Variants in DTNB observed in about 807,000 individuals in gnomAD.
DTNB encodes the protein dystrobrevin beta, also known as DTN-B.
In DTNB, 63 loss-of-function variants were observed where a neutral mutation model predicts 90.7. That is an observed-to-expected ratio of 0.69 (90% CI 0.57 to 0.86). The LOEUF is 0.86. Ranked by LOEUF, DTNB falls within the 40% of genes least tolerant of loss-of-function variation. DTNB has a pLI of 0.00. For synonymous variants in DTNB, 277 were observed against 286.7 expected (o/e 0.97, Z 0.34); for missense variants, 744 against 807.1 (o/e 0.92, Z 0.95).
chr2:25,525,932 C>A (rs1391619130), intron 9 of DTNB, among the ~76,000 whole-genome samples: 1 of 151,978 alleles, frequency 6.6e-6, no homozygotes, highest in Non-Finnish European at 1.5e-5. Context: ...CAAATTCCCA[C>A]CCAATCCCCA....
At chr2:25,392,412 AAATGAATG>A (rs570696124) in intron 16 of DTNB, among the ~76,000 whole-genome samples, 4 of 152,198 alleles carry the variant, frequency 2.6e-5, no homozygotes, top group African/African-American at 7.2e-5. Flanking sequence ...TCCATCTCAA[AAATGAATG>A]AATGAATGAA....
chr2:25,547,303 G>A (rs1285593377), intron 8 of DTNB, among the ~76,000 whole-genome samples: 1 of 144,246 alleles, frequency 6.9e-6, no homozygotes, highest in Non-Finnish European at 1.5e-5. Context: ...TAAGAGTCAT[G>A]CACCTGTATT....
intron 8 of DTNB, among the ~76,000 whole-genome samples, chr2:25,542,109 GTTGGGTTTT>G (rs938396292): frequency 2.0e-5 from 3 of 152,024 alleles, no homozygotes; most frequent in African/African-American, 7.2e-5. Context: ...GTCAATAGAT[GTTGGGTTTT>G]TTGGTTTTTG....
chr2:25,384,988 C>T (rs1401189035), intron 18 of DTNB, among the ~76,000 whole-genome samples: 1 of 151,930 alleles, frequency 6.6e-6, no homozygotes, highest in African/African-American at 2.4e-5. Flanking sequence ...AAGCGATTCT[C>T]CTGCCTCAGC....
intron 6 of DTNB, among the ~76,000 whole-genome samples, chr2:25,591,564 A>G (rs941471848): frequency 1.3e-5 from 2 of 152,208 alleles, no homozygotes; most frequent in African/African-American, 4.8e-5. Context: ...TATTTTAAAC[A>G]ACTTTTAAGC....
At chr2:25,381,978 C>T (rs1356901313) in intron 19 of DTNB, among the ~76,000 whole-genome samples, 1 of 152,238 alleles carries the variant, frequency 6.6e-6, no homozygotes, top group African/African-American at 2.4e-5. Flanking sequence ...ACCTGTATCT[C>T]CCACTTGGCT....
intron 17 of DTNB, 96 bp downstream of exon 17, chr2:25,388,106 G>T: frequency 6.6e-7 from 1 of 1,509,426 alleles, no homozygotes; most frequent in Non-Finnish European, 8.8e-7. Flanking sequence ...TCCAAGCAAA[G>T]AGCACAAAAC....
intron 9 of DTNB, among the ~76,000 whole-genome samples, chr2:25,501,961 G>A (rs772091205): frequency 3.3e-5 from 5 of 152,134 alleles, no homozygotes; most frequent in African/African-American, 4.8e-5. Context: ...CAAAGTAGGA[G>A]GATCACTTGA....
At chr2:25,664,209 G>A (rs2083868217) in intron 1 of DTNB, among the ~76,000 whole-genome samples, 1 of 152,024 alleles carries the variant, frequency 6.6e-6, no homozygotes, top group African/African-American at 2.4e-5. Flanking sequence ...GATCACCATT[G>A]TTTTTATATT....
intron 9 of DTNB, among the ~76,000 whole-genome samples, chr2:25,520,103 G>C (rs2075873665): frequency 6.6e-6 from 1 of 152,192 alleles, no homozygotes; most frequent in South Asian, 2.1e-4. Context: ...AAAGTTGTAG[G>C]CTAGGGGCAG....
At chr2:25,446,762 T>G (rs2150090967) in intron 12 of DTNB, among the ~76,000 whole-genome samples, 1 of 152,330 alleles carries the variant, frequency 6.6e-6, no homozygotes, top group South Asian at 2.1e-4. Flanking sequence ...TGCGATATAT[T>G]CATCTGAGAA....
intron 9 of DTNB, among the ~76,000 whole-genome samples, chr2:25,508,520 A>C (rs2384237): frequency 0.26 from 34,749 of 132,444 alleles, 5,466 homozygotes; most frequent in East Asian, 0.5. Context: ...TTTTTTTGAG[A>C]TGGAGTTTCG....
chr2:25,621,686 A>C (rs993138890), intron 4 of DTNB, among the ~76,000 whole-genome samples: 8 of 140,896 alleles, frequency 5.7e-5, no homozygotes, highest in Admixed American at 3.8e-4. Flanking sequence ...TGAACTCCCG[A>C]CCTCAGGTGA....
At chr2:25,531,116 T>C (rs571205089) in intron 9 of DTNB, among the ~76,000 whole-genome samples, 2 of 152,314 alleles carry the variant, frequency 1.3e-5, no homozygotes, top group East Asian at 3.9e-4. Flanking sequence ...TTAATTTAAG[T>C]CCCTATGGGC....
intron 16 of DTNB, among the ~76,000 whole-genome samples, chr2:25,403,168 C>T (rs569851331): frequency 1.0e-3 from 152 of 152,202 alleles, no homozygotes; most frequent in African/African-American, 3.4e-3. Context: ...CAGGCTGGAG[C>T]GCAGTGGCGC....
chr2:25,534,112 G>A (rs1190440683), intron 8 of DTNB, among the ~76,000 whole-genome samples: 1 of 152,090 alleles, frequency 6.6e-6, no homozygotes, highest in Admixed American at 6.5e-5. Context: ...GAGAACAAAG[G>A]TCTCTGGTTT....
At chr2:25,617,514 T>A (rs555267758) in intron 4 of DTNB, among the ~76,000 whole-genome samples, 1 of 152,240 alleles carries the variant, frequency 6.6e-6, no homozygotes, top group South Asian at 2.1e-4. Context: ...TATCAAAAGG[T>A]TTATACACTC....
intron 9 of DTNB, among the ~76,000 whole-genome samples, chr2:25,521,677 A>G (rs549507285): frequency 6.6e-6 from 1 of 152,290 alleles, no homozygotes; most frequent in Non-Finnish European, 1.5e-5. Context: ...TGAGCCACTG[A>G]GGCCAGTCCC....
chr2:25,591,588 T>C (rs941267069), intron 6 of DTNB, among the ~76,000 whole-genome samples: 1 of 152,192 alleles, frequency 6.6e-6, no homozygotes, highest in Non-Finnish European at 1.5e-5. Flanking sequence ...GAAAGTCAGT[T>C]AGTTTGTAAA....
Sources: allele counts gnomAD v4.1 joint callset (sites outside exome capture counted in the v4.1 genomes callset), GRCh38; gene constraint gnomAD v4.1.1; transcripts MANE v1.5; gene names NCBI Gene and HGNC (gene_info 2026-07-23, HGNC 2026-07-21).